Variants in RUNDC3B observed in about 807,000 individuals in gnomAD.
RUNDC3B encodes the protein RUN domain-containing protein 3B.
A neutral mutation model predicts 58.4 loss-of-function variants in RUNDC3B; 33 were observed. The ratio of observed to expected loss-of-function variants is 0.56; its 90% confidence interval spans 0.43 to 0.75. The LOEUF (loss-of-function observed/expected upper bound fraction) is 0.75, where lower values mean the gene tolerates loss of function less well. RUNDC3B is among the 30% of genes least tolerant of loss of function. RUNDC3B has a pLI of 0.00. For synonymous variants in RUNDC3B, 193 were observed against 195.2 expected, an observed-to-expected ratio of 0.99 and a Z score of 0.10; for missense variants, 501 against 535.7, an observed-to-expected ratio of 0.94 and a Z score of 0.64.
chr7:87,629,319 T>A (rs1820965446), intron 1 of RUNDC3B: 1 of 184,818 alleles, frequency 5.4e-6, no homozygotes, highest in South Asian at 2.0e-4. Flanking sequence ...GTAGTTACTG[T>A]GATTGTTTAC....
At chr7:87,823,795 C>CAG (rs1837635128) in intron 10 of RUNDC3B, among the ~76,000 whole-genome samples, 1 of 143,788 alleles carries the variant, frequency 7.0e-6, no homozygotes, top group South Asian at 2.2e-4. Flanking sequence ...TATATATACA[C>CAG]ACACACACAC....
chr7:87,705,089 T>A (rs1829468554), intron 3 of RUNDC3B, among the ~76,000 whole-genome samples: 1 of 152,198 alleles, frequency 6.6e-6, no homozygotes, highest in Non-Finnish European at 1.5e-5. Flanking sequence ...ATTCATATTG[T>A]AGAAGCTTGT....
chr7:87,721,686 A>G (rs988338723), intron 4 of RUNDC3B, among the ~76,000 whole-genome samples: 1 of 152,086 alleles, frequency 6.6e-6, no homozygotes, highest in Non-Finnish European at 1.5e-5. Flanking sequence ...TTTTTATTGC[A>G]CTTTCTAAGA....
chr7:87,723,890 G>A lies in RUNDC3B; in HGVS notation c.458+13235G>A, dbSNP rs551914593. On this transcript the variant is annotated intron_variant, in intron 4 of 10. Coordinates refer to ENST00000394654, the MANE Select transcript of RUNDC3B (RefSeq NM_001134405.2). ...TGTCCAAATATGATAAAGCGTCTTT[G>A]CCAACATTTAATCGTACACATCATA... 9.2e-5 allele frequency among the ~76,000 whole-genome samples: 14 copies of A among 152,184 alleles called. 1 individual carries two copies. The highest frequency in any genetic ancestry group is 3.1e-4 in the African/African-American group (13 of 41,546).
chr7:87,639,597 G>T (rs933861108), intron 1 of RUNDC3B, among the ~76,000 whole-genome samples: 18 of 151,986 alleles, frequency 1.2e-4, no homozygotes, highest in African/African-American at 4.3e-4. Flanking sequence ...TTAGAATTGT[G>T]GTCTCTTCCT....
At chr7:87,794,558 G>T (rs1258019846) in intron 8 of RUNDC3B, among the ~76,000 whole-genome samples, 1 of 151,360 alleles carries the variant, frequency 6.6e-6, no homozygotes, top group Non-Finnish European at 1.5e-5. Context: ...AATGTCCATT[G>T]TACCCAAAGA....
chr7:87,745,896 CG>C (rs1832614315), intron 6 of RUNDC3B, among the ~76,000 whole-genome samples: 1 of 151,970 alleles, frequency 6.6e-6, no homozygotes, highest in East Asian at 1.9e-4. Flanking sequence ...GACCTTAGAA[CG>C]TCAGTTTGTA....
At chr7:87,777,984 G>C (rs748874491) in intron 8 of RUNDC3B, 29 bp downstream of exon 8, 2 of 1,582,712 alleles carry the variant, frequency 1.3e-6, no homozygotes, top group Admixed American at 3.6e-5. Context: ...GAAAAATGTT[G>C]GTAGCATGTA....
chr7:87,747,192 T>A (rs936010496), intron 6 of RUNDC3B, among the ~76,000 whole-genome samples: 3 of 152,174 alleles, frequency 2.0e-5, no homozygotes, highest in Admixed American at 2.0e-4. Flanking sequence ...TCTCCCCCTT[T>A]TCCTATGGGT....
At chr7:87,756,759 C>A (rs1833398340) in intron 6 of RUNDC3B, among the ~76,000 whole-genome samples, 1 of 151,792 alleles carries the variant, frequency 6.6e-6, no homozygotes, top group Admixed American at 6.6e-5. Context: ...CATTGTTTTT[C>A]CTTTCTTGGT....
At chr7:87,666,562 C>A (rs904147409) in intron 2 of RUNDC3B, among the ~76,000 whole-genome samples, 1 of 152,118 alleles carries the variant, frequency 6.6e-6, no homozygotes, top group African/African-American at 2.4e-5. Context: ...AAATCTCTGC[C>A]CATTCCTATG....
intron 3 of RUNDC3B, among the ~76,000 whole-genome samples, chr7:87,700,943 C>A (rs971234179): frequency 6.6e-6 from 1 of 152,194 alleles, no homozygotes; most frequent in African/African-American, 2.4e-5. Context: ...GTCTTGAGTT[C>A]TTCCCCACCA....
At chr7:87,780,204 C>T (rs1416805036) in intron 8 of RUNDC3B, among the ~76,000 whole-genome samples, 2 of 152,174 alleles carry the variant, frequency 1.3e-5, no homozygotes, top group Non-Finnish European at 1.5e-5. Flanking sequence ...GAGAAATCTC[C>T]AAACTGCTTT....
At chr7:87,698,565 G>A (rs1189198909) in intron 2 of RUNDC3B, among the ~76,000 whole-genome samples, 2 of 152,110 alleles carry the variant, frequency 1.3e-5, no homozygotes, top group African/African-American at 4.8e-5. Flanking sequence ...GCTATAAAAA[G>A]ATAATTGGAT....
chr7:87,734,457 C>T (rs1324057226), intron 4 of RUNDC3B, among the ~76,000 whole-genome samples: 2 of 152,108 alleles, frequency 1.3e-5, no homozygotes, highest in Non-Finnish European at 2.9e-5. Context: ...CTTTAGTTAC[C>T]AACTTTCTGT....
chr7:87,735,102 A>AT (rs916592039), intron 4 of RUNDC3B, among the ~76,000 whole-genome samples: 3 of 151,932 alleles, frequency 2.0e-5, no homozygotes, highest in East Asian at 1.9e-4. Flanking sequence ...AGATATACTA[A>AT]TTTTTTTTCC....
intron 2 of RUNDC3B, 84 bp from the exon 3 acceptor site, chr7:87,700,337 T>C (rs1244580549): frequency 2.5e-6 from 3 of 1,216,102 alleles, no homozygotes; most frequent in East Asian, 5.1e-5. Flanking sequence ...TACCTTTATT[T>C]TTCAGAATTT....
At chr7:87,812,023 C>T (rs1208267538) in intron 9 of RUNDC3B, among the ~76,000 whole-genome samples, 1 of 152,174 alleles carries the variant, frequency 6.6e-6, no homozygotes, top group African/African-American at 2.4e-5. Flanking sequence ...ATCACACTGT[C>T]TGTTGCCCAA....
intron 4 of RUNDC3B, among the ~76,000 whole-genome samples, chr7:87,724,109 G>A (rs1467915145): frequency 4.6e-5 from 7 of 152,106 alleles, no homozygotes; most frequent in Non-Finnish European, 8.8e-5. Flanking sequence ...TCTACTCTCA[G>A]CTACTCAAGA....
Sources: allele counts gnomAD v4.1 joint callset (sites outside exome capture counted in the v4.1 genomes callset), GRCh38; gene constraint gnomAD v4.1.1; transcripts MANE v1.5; gene names NCBI Gene and HGNC (gene_info 2026-07-23, HGNC 2026-07-21).